SPIN1: variants seen among roughly 807,000 people sequenced by gnomAD.
SPIN1 encodes spindlin-1.
SPIN1 carries 3 observed loss-of-function variants against 26.0 expected under a neutral mutation model. The observed-to-expected ratio is 0.12, with a 90% CI of 0.05 to 0.30. The LOEUF (loss-of-function observed/expected upper bound fraction) is 0.30. Ranked by LOEUF, SPIN1 falls within the 10% of genes least tolerant of loss-of-function variation. The pLI, the probability that SPIN1 is intolerant of heterozygous loss-of-function variation, is 1.00. For missense variants in SPIN1, 126 were observed against 333.4 expected (o/e 0.38, Z 4.84); for synonymous variants, 101 against 116.5 (o/e 0.87, Z 0.86).
At chr9:88,440,785 G>A (rs1828106142) in intron 2 of SPIN1, among the ~76,000 whole-genome samples, 1 of 151,238 alleles carries the variant, frequency 6.6e-6, no homozygotes, top group African/African-American at 2.4e-5. Context: ...CACCATGTTG[G>A]CCAGGCTGGT....
chr9:88,469,285 C>T (rs915264852), intron 5 of SPIN1, among the ~76,000 whole-genome samples: 1 of 152,174 alleles, frequency 6.6e-6, no homozygotes, highest in African/African-American at 2.4e-5. Flanking sequence ...CTCTCTTTGC[C>T]GCTGCTCACC....
intron 1 of SPIN1, among the ~76,000 whole-genome samples, chr9:88,399,627 C>T (rs1281797796): frequency 6.6e-6 from 1 of 152,130 alleles, no homozygotes; most frequent in East Asian, 1.9e-4. Context: ...ACCACTGCCT[C>T]ACACGAATGG....
chr9:88,391,480 C>G, intron 1 of SPIN1: 1 of 154,226 alleles, frequency 6.5e-6, no homozygotes, highest in Non-Finnish European at 1.5e-5. Context: ...CTGAACTCTC[C>G]CTTTGGCCCA....
In SPIN1 at chr9:88,422,172, T is replaced by G. The variant is rs554108991; in HGVS notation, c.-158-4210T>G. On this transcript the variant is annotated intron_variant, in intron 1 of 5. Transcript: ENST00000375859. Reference sequence around the variant, plus strand: ...TCCAGCAACCTTTCTCTTGATAGTTTTAGCAACTATTGATGGGTCTCTCTG... The same window carrying G: ...TCCAGCAACCTTTCTCTTGATAGTTGTAGCAACTATTGATGGGTCTCTCTG... Among the ~76,000 whole-genome samples, 6 of 152,322 alleles carry G rather than the reference T, an allele frequency of 3.9e-5. No homozygotes were observed. The South Asian group carries it at 1.2e-3, about 32-fold the overall frequency.
chr9:88,425,279 G>A (rs1340274765), intron 1 of SPIN1, among the ~76,000 whole-genome samples: 1 of 152,136 alleles, frequency 6.6e-6, no homozygotes, highest in Non-Finnish European at 1.5e-5. Context: ...AGGTGAGTAA[G>A]CAACCAGTTG....
At chr9:88,411,723 C>T (rs1827449594) in intron 1 of SPIN1, among the ~76,000 whole-genome samples, 1 of 151,980 alleles carries the variant, frequency 6.6e-6, no homozygotes, top group Non-Finnish European at 1.5e-5. Context: ...CTGTGTTGCT[C>T]AGGCTGGTCT....
At chr9:88,473,663 A>G (rs10125180) in intron 5 of SPIN1, among the ~76,000 whole-genome samples, 29,367 of 151,582 alleles carry the variant, frequency 0.19, 9,099 homozygotes, top group African/African-American at 0.65. Flanking sequence ...GTGTGTGTGC[A>G]CGCGCTATGG....
intron 1 of SPIN1, chr9:88,391,537 A>G (rs1826919814): frequency 6.6e-6 from 1 of 152,326 alleles, no homozygotes; most frequent in African/African-American, 2.4e-5. Flanking sequence ...AGTAACAGGT[A>G]TCTCAATTTT....
At chr9:88,399,012 T>C (rs758369716) in intron 1 of SPIN1, among the ~76,000 whole-genome samples, 42 of 151,550 alleles carry the variant, frequency 2.8e-4, no homozygotes, top group Non-Finnish European at 3.2e-4. Context: ...GTTCACACAG[T>C]GTAGGAGGAG....
At chr9:88,421,970 TAAG>T (rs1452238580) in intron 1 of SPIN1, among the ~76,000 whole-genome samples, 3 of 152,194 alleles carry the variant, frequency 2.0e-5, no homozygotes, top group Non-Finnish European at 2.9e-5. Context: ...CATATCACAT[TAAG>T]AAGTGAATAA....
At chr9:88,411,594 G>A (rs2117961109) in intron 1 of SPIN1, 1 of 555,526 alleles carries the variant, frequency 1.8e-6, no homozygotes, top group East Asian at 2.9e-5. Flanking sequence ...GCTTACTATA[G>A]CCTTGGCCTC....
chr9:88,390,471 T>G (rs1489147442), intron 1 of SPIN1, among the ~76,000 whole-genome samples: 1 of 152,254 alleles, frequency 6.6e-6, no homozygotes, highest in Non-Finnish European at 1.5e-5. Context: ...TTGCACATAG[T>G]TACAACGTTA....
chr9:88,425,632 G>A (rs1255659390), intron 1 of SPIN1, among the ~76,000 whole-genome samples: 12 of 149,354 alleles, frequency 8.0e-5, no homozygotes, highest in African/African-American at 1.5e-4. Flanking sequence ...CCAAGGTTGC[G>A]CCACTGCATT....
intron 4 of SPIN1, among the ~76,000 whole-genome samples, chr9:88,465,091 A>G (rs927105287): frequency 2.6e-5 from 4 of 152,194 alleles, no homozygotes; most frequent in African/African-American, 9.6e-5. Flanking sequence ...GATTTCCTTT[A>G]AGGCTGAAAA....
intron 1 of SPIN1, among the ~76,000 whole-genome samples, chr9:88,419,715 G>A (rs928208401): frequency 2.0e-5 from 3 of 152,034 alleles, no homozygotes; most frequent in Non-Finnish European, 2.9e-5. Flanking sequence ...CTTCACCTAC[G>A]TTAAAAAATA....
intron 1 of SPIN1, among the ~76,000 whole-genome samples, chr9:88,394,770 T>G (rs1426238185): frequency 6.7e-6 from 1 of 149,166 alleles, no homozygotes; most frequent in East Asian, 1.9e-4. Flanking sequence ...TGCCTGAAAT[T>G]CTTCCTTTAA....
chr9:88,441,874 A>G (rs1828140219), intron 2 of SPIN1, among the ~76,000 whole-genome samples: 1 of 148,946 alleles, frequency 6.7e-6, no homozygotes, highest in African/African-American at 2.5e-5. Context: ...TGTATATTAT[A>G]TGTTGTTATA....
chr9:88,470,890 G>A (rs1828770550), intron 5 of SPIN1, among the ~76,000 whole-genome samples: 3 of 152,208 alleles, frequency 2.0e-5, no homozygotes, highest in African/African-American at 4.8e-5. Flanking sequence ...CACCATGCCC[G>A]GCCTATTGGC....
At chr9:88,443,851 G>A (rs950967280) in intron 2 of SPIN1, among the ~76,000 whole-genome samples, 2 of 152,082 alleles carry the variant, frequency 1.3e-5, no homozygotes, top group African/African-American at 2.4e-5. Context: ...CAACTTCCCC[G>A]GCTTGTAGAG....
Sources: gnomAD v4.1 joint callset for allele counts (sites outside exome capture counted in the v4.1 genomes callset) on GRCh38, gnomAD v4.1.1 for gene constraint, MANE v1.5 for transcripts, NCBI Gene and HGNC (gene_info 2026-07-23, HGNC 2026-07-21) for gene names.